TMEM123: variants seen among roughly 807,000 people sequenced by gnomAD.
TMEM123 encodes the protein transmembrane protein 123, also known as porimin.
Under a neutral mutation model 19.7 loss-of-function variants are expected in TMEM123, and 16 were observed. The observed-to-expected ratio is 0.81, with a 90% CI of 0.55 to 1.23. The LOEUF is 1.23. TMEM123 is among the 50% of genes most tolerant of loss of function. The probability of loss-of-function intolerance (pLI) is 0.00; values close to 1 mark genes in which losing one functional copy is unlikely to be tolerated. For synonymous variants in TMEM123, 118 were observed against 99.4 expected (o/e 1.19, Z -1.12); for missense variants, 313 against 257.8 (o/e 1.21, Z -1.47).
At chr11:102,409,469 G>A (rs1031796639) in intron 2 of TMEM123, among the ~76,000 whole-genome samples, 5 of 151,904 alleles carry the variant, frequency 3.3e-5, no homozygotes, top group Non-Finnish European at 7.4e-5. Context: ...CTCATTGCAC[G>A]GAGTCAACAG....
At chr11:102,440,780 C>G (rs928872858) in intron 2 of TMEM123, among the ~76,000 whole-genome samples, 7 of 152,096 alleles carry the variant, frequency 4.6e-5, no homozygotes, top group African/African-American at 1.7e-4. Flanking sequence ...AGACTCATCA[C>G]TCTGCTGTAT....
chr11:102,409,897 C>CA (rs34000649), intron 2 of TMEM123, among the ~76,000 whole-genome samples: 15,970 of 124,802 alleles, frequency 0.13, 892 homozygotes, highest in Middle Eastern at 0.18. Flanking sequence ...AATCTAGATT[C>CA]AAAAAAAAAA....
chr11:102,398,596 CAAA>C lies in TMEM123; in HGVS notation c.*268_*270del, dbSNP rs879132878. 4 of 401,658 alleles carry C rather than the reference CAAA, an allele frequency of 1.0e-5. No homozygotes were observed. Among genetic ancestry groups the C allele is most frequent in the Admixed American group, 5.0e-5 (1 of 20,126 alleles). 24.9% of individuals were successfully genotyped at this position (401,658 alleles called of 1,614,324 possible). ...ATGTGACCAATGCCCCCACCCCAGCCAAAAAAAAAAAGATAGGACTTGTTTGTC... is the reference window on the plus strand; with the variant it reads ...ATGTGACCAATGCCCCCACCCCAGCCAAAAAAAAGATAGGACTTGTTTGTC... On this transcript the variant is annotated 3_prime_UTR_variant, in exon 5 of 5. Transcript: ENST00000398136.
intron 2 of TMEM123, among the ~76,000 whole-genome samples, chr11:102,441,628 A>G (rs1475328679): frequency 6.6e-6 from 1 of 152,196 alleles, no homozygotes; most frequent in Non-Finnish European, 1.5e-5. Context: ...ATCACAATTA[A>G]AAGAACTAGA....
At chr11:102,447,128 TCTC>T (rs1565357571) in intron 2 of TMEM123, among the ~76,000 whole-genome samples, 1 of 152,212 alleles carries the variant, frequency 6.6e-6, no homozygotes, top group Non-Finnish European at 1.5e-5. Flanking sequence ...TATTATCTGT[TCTC>T]CTTCTAGAAA....
chr11:102,409,931 TAAAA>T (rs138342442), intron 2 of TMEM123, among the ~76,000 whole-genome samples: 8 of 151,102 alleles, frequency 5.3e-5, no homozygotes, highest in Non-Finnish European at 1.0e-4. Flanking sequence ...AAACTGAGCT[TAAAA>T]AAAGTCACAT....
intron 2 of TMEM123, among the ~76,000 whole-genome samples, chr11:102,415,426 C>T (rs1952036516): frequency 6.6e-6 from 1 of 152,078 alleles, no homozygotes. Context: ...GCACATGACA[C>T]ATACCAAATG....
At chr11:102,405,342 G>T (rs1215129206) in intron 2 of TMEM123, among the ~76,000 whole-genome samples, 1 of 152,058 alleles carries the variant, frequency 6.6e-6, no homozygotes, top group East Asian at 1.9e-4. Context: ...GTGAGCCACC[G>T]TGCCCGGCCT....
intron 1 of TMEM123, among the ~76,000 whole-genome samples, chr11:102,451,912 G>A (rs1200648633): frequency 1.3e-5 from 2 of 152,186 alleles, no homozygotes; most frequent in Non-Finnish European, 2.9e-5. Context: ...GGTGGAGAGC[G>A]CCCCGCCATG....
intron 2 of TMEM123, among the ~76,000 whole-genome samples, chr11:102,437,513 T>C (rs1857776979): frequency 6.6e-6 from 1 of 151,818 alleles, no homozygotes; most frequent in African/African-American, 2.4e-5. Context: ...TTCCCTTTCA[T>C]AGTTCACATC....
chr11:102,452,321 T>G, intron 1 of TMEM123: 1 of 410,320 alleles, frequency 2.4e-6, no homozygotes, highest in Non-Finnish European at 4.3e-6. Context: ...CCAGGCAATT[T>G]CCTCAGCAGG....
At chr11:102,447,694 T>C in intron 2 of TMEM123, among the ~76,000 whole-genome samples, 1 of 152,242 alleles carries the variant, frequency 6.6e-6, no homozygotes, top group East Asian at 1.9e-4. Flanking sequence ...TGATAACCAC[T>C]ATTACATTTT....
intron 2 of TMEM123, among the ~76,000 whole-genome samples, chr11:102,426,823 T>A (rs950876027): frequency 8.3e-6 from 1 of 120,644 alleles, no homozygotes; most frequent in African/African-American, 3.1e-5. Flanking sequence ...AAGATACAGA[T>A]TGAATAAACT....
intron 1 of TMEM123, among the ~76,000 whole-genome samples, chr11:102,449,862 G>A (rs1857920937): frequency 6.6e-6 from 1 of 152,158 alleles, no homozygotes. Context: ...CAAGAACTGA[G>A]GCCCAGAGAA....
intron 2 of TMEM123, among the ~76,000 whole-genome samples, chr11:102,447,329 T>C (rs1470766149): frequency 1.3e-5 from 2 of 152,212 alleles, no homozygotes; most frequent in South Asian, 2.1e-4. Context: ...TAAAGAGACA[T>C]AGGTTTTAGA....
At chr11:102,441,147 G>A (rs924356824) in intron 2 of TMEM123, among the ~76,000 whole-genome samples, 1 of 151,974 alleles carries the variant, frequency 6.6e-6, no homozygotes, top group African/African-American at 2.4e-5. Flanking sequence ...AGACAGAAAG[G>A]TAACAAGGAT....
rs537526043 is a variant in TMEM123, at chr11:102,430,442, A to C, written c.157+18370T>G. ...TTACATTACTATAAGCCAGTAAACC[A>C]CAAACTCCTCTGAAGGCTGGTATCC... On this transcript the variant is annotated intron_variant, in intron 2 of 4. Coordinates refer to ENST00000398136, the MANE Select transcript of TMEM123 (RefSeq NM_052932.3). Among the ~76,000 whole-genome samples, 28 of 152,342 alleles carry C rather than the reference A, an allele frequency of 1.8e-4. No individual in the cohort carries two copies. The East Asian group carries it at 4.8e-3, about 26-fold the overall frequency.
intron 4 of TMEM123, among the ~76,000 whole-genome samples, chr11:102,400,700 C>A (rs1471617865): frequency 6.6e-6 from 1 of 152,174 alleles, no homozygotes; most frequent in Non-Finnish European, 1.5e-5. Flanking sequence ...AGAATTAATA[C>A]CCTTACAATT....
intron 2 of TMEM123, among the ~76,000 whole-genome samples, chr11:102,404,704 A>G (rs1240746187): frequency 6.6e-6 from 1 of 151,860 alleles, no homozygotes; most frequent in Non-Finnish European, 1.5e-5. Context: ...GGTTCAAGCA[A>G]TTCTCCTGCC....
Sources: allele counts gnomAD v4.1 joint callset (sites outside exome capture counted in the v4.1 genomes callset), GRCh38; gene constraint gnomAD v4.1.1; transcripts MANE v1.5; gene names NCBI Gene and HGNC (gene_info 2026-07-23, HGNC 2026-07-21).